RFC3: variants seen among roughly 807,000 people sequenced by gnomAD.
RFC3 encodes the protein A1 38 kDa subunit.
Under a neutral mutation model 45.1 loss-of-function variants are expected in RFC3, and 41 were observed. That is an observed-to-expected ratio of 0.91 (90% confidence interval 0.71 to 1.18). The LOEUF is 1.18. Ranked by LOEUF, RFC3 falls within the 50% of genes most tolerant of loss-of-function variation. The probability of loss-of-function intolerance (pLI) is 0.00; values close to 1 mark genes in which losing one functional copy is unlikely to be tolerated. For missense variants in RFC3, 423 were observed against 428.1 expected (o/e 0.99, Z 0.10); for synonymous variants, 149 against 144.0 (o/e 1.03, Z -0.25).
Position 33,898,094 on chromosome 13 carries a change from C to G in RFC3, c.879+62877C>G, listed in dbSNP as rs1281811366. Among the ~76,000 whole-genome samples the G allele has an allele frequency of 5.9e-5, 9 of 151,916 alleles. No homozygotes were observed. The East Asian group carries it at 1.5e-3, about 26-fold the overall frequency. ...CACCCCACTGTAATAATGGGCAGAT[C>G]ATTCAGACAAAACGTTTTTAAAAAC... is the stretch of plus-strand genomic sequence containing the variant. On this transcript the variant is annotated intron_variant, in intron 8 of 8. Coordinates refer to the RFC3 transcript ENST00000434425.
chr13:33,821,883 T>C (rs1452998043), intron 2 of RFC3, among the ~76,000 whole-genome samples: 1 of 152,254 alleles, frequency 6.6e-6, no homozygotes, highest in Non-Finnish European at 1.5e-5. Context: ...GTTTGTACTT[T>C]TAATAGTACT....
chr13:33,959,669 T>A (rs2083044172), intron 8 of RFC3, among the ~76,000 whole-genome samples: 1 of 152,190 alleles, frequency 6.6e-6, no homozygotes. Flanking sequence ...CAGTGATCTC[T>A]GGCACTACAT....
intron 8 of RFC3, among the ~76,000 whole-genome samples, chr13:33,908,350 C>G (rs188319983): frequency 4.7e-4 from 72 of 151,976 alleles, no homozygotes; most frequent in African/African-American, 1.6e-3. Flanking sequence ...GCATAGAGCC[C>G]TAGAATTTTT....
chr13:33,828,080 T>C (rs533986865), intron 4 of RFC3, among the ~76,000 whole-genome samples: 1 of 152,076 alleles, frequency 6.6e-6, no homozygotes, highest in Non-Finnish European at 1.5e-5. Flanking sequence ...CCCAGGAGTT[T>C]GGGATTGCAG....
At chr13:33,831,584 A>G (rs1397858665) in intron 7 of RFC3, among the ~76,000 whole-genome samples, 1 of 97,298 alleles carries the variant, frequency 1.0e-5, no homozygotes, top group Non-Finnish European at 1.8e-5. Context: ...ACATGTGATC[A>G]TGTAAAAGTG....
At chr13:33,950,143 C>T (rs554516795) in intron 8 of RFC3, among the ~76,000 whole-genome samples, 1 of 151,882 alleles carries the variant, frequency 6.6e-6, no homozygotes, top group Admixed American at 6.6e-5. Flanking sequence ...AAACCTAGTA[C>T]AGTGCACTTC....
chr13:33,960,918 C>A (rs2083053003), intron 8 of RFC3, among the ~76,000 whole-genome samples: 1 of 152,170 alleles, frequency 6.6e-6, no homozygotes, highest in Admixed American at 6.5e-5. Context: ...TCTATGGTCA[C>A]TCCATTATTC....
intron 8 of RFC3, among the ~76,000 whole-genome samples, chr13:33,926,709 T>C (rs971519529): frequency 4.0e-5 from 6 of 151,590 alleles, no homozygotes; most frequent in Non-Finnish European, 8.8e-5. Flanking sequence ...ATGAAAGAAA[T>C]AAAGTTACTT....
At chr13:33,932,297 A>G (rs2082857585) in intron 8 of RFC3, among the ~76,000 whole-genome samples, 1 of 152,114 alleles carries the variant, frequency 6.6e-6, no homozygotes, top group Admixed American at 6.6e-5. Flanking sequence ...TTGTCTATTT[A>G]TTCTTCTTAA....
At chr13:33,934,583 G>C (rs1280252467) in intron 8 of RFC3, among the ~76,000 whole-genome samples, 2 of 151,978 alleles carry the variant, frequency 1.3e-5, no homozygotes, top group Non-Finnish European at 2.9e-5. Context: ...TTCTATAGCT[G>C]GTGTCCCAGA....
chr13:33,867,577 G>A (rs2082381651), intron 8 of RFC3, among the ~76,000 whole-genome samples: 1 of 152,206 alleles, frequency 6.6e-6, no homozygotes, highest in Non-Finnish European at 1.5e-5. Flanking sequence ...AAAGAGATGA[G>A]TGTAGATGAT....
At chr13:33,843,645 A>G (rs2139448237) in intron 8 of RFC3, among the ~76,000 whole-genome samples, 1 of 152,296 alleles carries the variant, frequency 6.6e-6, no homozygotes, top group Admixed American at 6.5e-5. Context: ...CTCTCATTTA[A>G]TTCTCCTAAC....
chr13:33,878,547 G>T (rs1433389421), intron 8 of RFC3, among the ~76,000 whole-genome samples: 1 of 152,134 alleles, frequency 6.6e-6, no homozygotes, highest in African/African-American at 2.4e-5. Flanking sequence ...AGCAGGTATG[G>T]GGTAGAAAGG....
At chr13:33,863,189 C>T (rs1566006863) in intron 8 of RFC3, among the ~76,000 whole-genome samples, 1 of 152,164 alleles carries the variant, frequency 6.6e-6, no homozygotes, top group East Asian at 1.9e-4. Context: ...GTTATAACTG[C>T]ATCAGTAATA....
At chr13:33,946,712 A>C (rs1259582910) in intron 8 of RFC3, among the ~76,000 whole-genome samples, 1 of 152,232 alleles carries the variant, frequency 6.6e-6, no homozygotes. Flanking sequence ...TGTATGAAGA[A>C]AATCTGGCCT....
intron 8 of RFC3, among the ~76,000 whole-genome samples, chr13:33,863,727 TC>T (rs2082356140): frequency 6.6e-6 from 1 of 152,178 alleles, no homozygotes; most frequent in Non-Finnish European, 1.5e-5. Flanking sequence ...AGTCCTTTGT[TC>T]CAGATTTGTT....
intron 2 of RFC3, among the ~76,000 whole-genome samples, chr13:33,823,464 G>A (rs912538510): frequency 5.3e-5 from 8 of 152,018 alleles, no homozygotes; most frequent in Non-Finnish European, 8.8e-5. Context: ...TGTCTGAGAG[G>A]GATTGCCAAG....
At chr13:33,949,529 C>T (rs1375043855) in intron 8 of RFC3, among the ~76,000 whole-genome samples, 1 of 152,112 alleles carries the variant, frequency 6.6e-6, no homozygotes, top group African/African-American at 2.4e-5. Flanking sequence ...AAATAGTATT[C>T]CATGCAAATG....
chr13:33,914,044 T>A (rs1204800576), intron 8 of RFC3, among the ~76,000 whole-genome samples: 1 of 152,130 alleles, frequency 6.6e-6, no homozygotes, highest in Non-Finnish European at 1.5e-5. Flanking sequence ...GCTAATTGCC[T>A]TACAAATAGA....
Sources: allele counts gnomAD v4.1 joint callset (sites outside exome capture counted in the v4.1 genomes callset), GRCh38; gene constraint gnomAD v4.1.1; transcripts MANE v1.5; gene names NCBI Gene and HGNC (gene_info 2026-07-23, HGNC 2026-07-21).